DPF3: variants seen among roughly 807,000 people sequenced by gnomAD.
The protein encoded by DPF3 is double PHD fingers 3, also known as zinc finger protein DPF3.
DPF3 carries 18 observed loss-of-function variants against 56.8 expected under a neutral mutation model. The observed-to-expected ratio is 0.32, with a 90% confidence interval of 0.22 to 0.47. The LOEUF (loss-of-function observed/expected upper bound fraction) is 0.47, where lower values mean the gene tolerates loss of function less well. DPF3 is among the 20% of genes least tolerant of loss of function. DPF3 has a pLI of 1.00. For synonymous variants in DPF3, 188 were observed against 180.2 expected, an observed-to-expected ratio of 1.04 and a Z score of -0.35; for missense variants, 403 against 488.8, an observed-to-expected ratio of 0.82 and a Z score of 1.65.
chr14:72,753,314 CGTCTCTTCTTGCG>C lies in DPF3; in HGVS notation c.238_250del (p.Arg80AspfsTer15). On this transcript the variant is annotated frameshift_variant, in exon 3 of 11. Transcript: ENST00000556509. LOFTEE classifies it high-confidence loss of function. ...TTTTGGATCTTCAGGTGGGTGCAATCGTCTCTTCTTGCGCCAGCAGCGGGCAGGGTATGTATAC... is the reference window on the plus strand; with the variant it reads ...TTTTGGATCTTCAGGTGGGTGCAATCCCAGCAGCGGGCAGGGTATGTATAC... The C allele has an allele frequency of 6.2e-7, 1 of 1,613,640 alleles. No homozygotes were observed. Among genetic ancestry groups the C allele is most frequent in the Non-Finnish European group, 8.5e-7 (1 of 1,179,854 alleles).
intron 8 of DPF3, among the ~76,000 whole-genome samples, chr14:72,631,679 C>T (rs950496670): frequency 2.0e-5 from 3 of 152,350 alleles, no homozygotes; most frequent in Admixed American, 1.3e-4. Flanking sequence ...ACCTACAAGG[C>T]AGGCCATTGT....
chr14:72,610,701 C>T lies in DPF3; in HGVS notation c.*8596G>A, dbSNP rs116221804. On this transcript the variant is annotated 3_prime_UTR_variant, in exon 11 of 11. Coordinates refer to ENST00000556509, the MANE Select transcript of DPF3 (RefSeq NM_001280542.3). ...TGAGACCGTGTTCTCAGCCTGAGAG[C>T]GCGCTCAAGGGCAGGTGGGAGATGG... Among the ~76,000 whole-genome samples, 2,910 of 152,278 alleles carry T rather than the reference C, an allele frequency of 0.019. 74 individuals are homozygous for T. Among genetic ancestry groups the T allele is most frequent in the African/African-American group, 0.064 (2,646 of 41,550 alleles).
At chr14:72,799,278 C>T (rs1176880710) in intron 1 of DPF3, among the ~76,000 whole-genome samples, 3 of 152,196 alleles carry the variant, frequency 2.0e-5, no homozygotes, top group East Asian at 3.8e-4. Context: ...CCATTTTCTA[C>T]CTCTCCCTCA....
intron 2 of DPF3, among the ~76,000 whole-genome samples, chr14:72,755,933 A>G (rs77824658): frequency 0.06 from 9,100 of 152,276 alleles, 359 homozygotes; most frequent in Non-Finnish European, 0.084. Context: ...GCAGGGCCCC[A>G]TGAGACTTAT....
At chr14:72,674,076 C>T (rs939344387) in intron 8 of DPF3, 164 bp downstream of exon 8, 1 of 1,135,846 alleles carries the variant, frequency 8.8e-7, no homozygotes, top group Admixed American at 3.3e-5. Flanking sequence ...GTTCTTGAGA[C>T]CCAAAGAAGA....
chr14:72,880,083 C>T (rs1177515988), intron 1 of DPF3: 1 of 849,530 alleles, frequency 1.2e-6, no homozygotes, highest in African/African-American at 1.7e-5. Context: ...AGTAAGTTTT[C>T]AGAACTAGCA....
intron 1 of DPF3, among the ~76,000 whole-genome samples, chr14:72,861,783 GA>G (rs1297031355): frequency 2.7e-5 from 4 of 149,634 alleles, no homozygotes; most frequent in African/African-American, 1.0e-4. Context: ...AAGAAAGAAA[GA>G]AAGAAAGAAA....
At chr14:72,835,979 C>G (rs933433593) in intron 1 of DPF3, 4 of 906,786 alleles carry the variant, frequency 4.4e-6, no homozygotes, top group South Asian at 1.0e-4. Context: ...AAGATACACC[C>G]GCCGGAGACC....
intron 1 of DPF3, among the ~76,000 whole-genome samples, chr14:72,798,072 C>T (rs12887035): frequency 0.56 from 84,733 of 151,468 alleles, 27,187 homozygotes; most frequent in East Asian, 0.79. Flanking sequence ...CTGGCTAAAA[C>T]GGTGAAACCC....
At chr14:72,705,956 A>AGG (rs1352777747) in intron 6 of DPF3, among the ~76,000 whole-genome samples, 1 of 152,090 alleles carries the variant, frequency 6.6e-6, no homozygotes. Context: ...AAAGAGAGAG[A>AGG]GAGAGATGAA....
chr14:72,671,233 T>C (rs17855716), intron 8 of DPF3: 21 of 1,613,974 alleles, frequency 1.3e-5, no homozygotes, highest in Non-Finnish European at 1.8e-5. Context: ...ATCAAAGCCG[T>C]GGAAAGTTGA....
At chr14:72,764,450 T>C (rs945701824) in intron 2 of DPF3, among the ~76,000 whole-genome samples, 1 of 147,064 alleles carries the variant, frequency 6.8e-6, no homozygotes, top group African/African-American at 2.5e-5. Flanking sequence ...CGTAATAAAC[T>C]GGCATTCTAG....
At chr14:72,789,350 A>G (rs1198987481) in intron 1 of DPF3, among the ~76,000 whole-genome samples, 1 of 152,144 alleles carries the variant, frequency 6.6e-6, no homozygotes, top group Non-Finnish European at 1.5e-5. Context: ...TCACAGGCCC[A>G]CGGTCACTTG....
chr14:72,743,683 T>A (rs1890219051), intron 3 of DPF3, among the ~76,000 whole-genome samples: 1 of 151,964 alleles, frequency 6.6e-6, no homozygotes, highest in South Asian at 2.1e-4. Context: ...TTGCCCAACA[T>A]CTGCTGTGCT....
chr14:72,785,193 C>T (rs1235970763), intron 1 of DPF3, among the ~76,000 whole-genome samples: 4 of 152,168 alleles, frequency 2.6e-5, no homozygotes, highest in African/African-American at 7.2e-5. Context: ...AGAAGGATAA[C>T]AGGATGCTGG....
At chr14:72,824,991 G>A (rs899852806) in intron 1 of DPF3, among the ~76,000 whole-genome samples, 9 of 151,776 alleles carry the variant, frequency 5.9e-5, no homozygotes, top group South Asian at 2.1e-4. Context: ...GGATTCAAGC[G>A]ATTCTCTTGC....
intron 1 of DPF3, among the ~76,000 whole-genome samples, chr14:72,774,399 G>A (rs1482931116): frequency 2.6e-5 from 4 of 151,066 alleles, no homozygotes; most frequent in Non-Finnish European, 4.4e-5. Context: ...CATGGCAGCT[G>A]TACCATTTTC....
intron 1 of DPF3, among the ~76,000 whole-genome samples, chr14:72,877,845 G>A (rs1555515931): frequency 1.3e-5 from 2 of 152,154 alleles, no homozygotes; most frequent in Non-Finnish European, 1.5e-5. Context: ...AGAGACATGT[G>A]TAATTAGATA....
intron 2 of DPF3, among the ~76,000 whole-genome samples, chr14:72,757,476 T>C (rs950091604): frequency 2.0e-5 from 3 of 151,984 alleles, no homozygotes; most frequent in Non-Finnish European, 4.4e-5. Context: ...CTGCATCCCA[T>C]ATATCTGCTT....
Sources: allele counts gnomAD v4.1 joint callset (sites outside exome capture counted in the v4.1 genomes callset), GRCh38; gene constraint gnomAD v4.1.1; transcripts MANE v1.5; gene names NCBI Gene and HGNC (gene_info 2026-07-23, HGNC 2026-07-21).